The following ESYT2 variants were observed in gnomAD, a reference collection of about 807,000 sequenced individuals.
The protein encoded by ESYT2 is extended synaptotagmin-2.
A neutral mutation model predicts 107.2 loss-of-function variants in ESYT2; 54 were observed. That is an observed-to-expected ratio of 0.50 (90% CI 0.40 to 0.63). The LOEUF (loss-of-function observed/expected upper bound fraction) is 0.63, where lower values mean the gene tolerates loss of function less well. Among genes scored for constraint, ESYT2 ranks in the 30% least tolerant of loss-of-function variants. The pLI is 0.00. For synonymous variants in ESYT2, 491 were observed against 434.1 expected, an observed-to-expected ratio of 1.13 and a Z score of -1.63; for missense variants, 1,020 against 1,094.5, an observed-to-expected ratio of 0.93 and a Z score of 0.96.
chr7:158,797,584 G>C (rs561937433), intron 3 of ESYT2, among the ~76,000 whole-genome samples: 32 of 152,142 alleles, frequency 2.1e-4, no homozygotes, highest in African/African-American at 7.2e-4. Context: ...GGCCAGGCGC[G>C]GTGGCTCACA....
chr7:158,785,065 G>C (rs1839060966), intron 6 of ESYT2, among the ~76,000 whole-genome samples: 2 of 152,144 alleles, frequency 1.3e-5, no homozygotes, highest in African/African-American at 4.8e-5. Flanking sequence ...CACAGCCAAA[G>C]GCAAACACCA....
chr7:158,755,325 A>C (rs1462507510), intron 13 of ESYT2, among the ~76,000 whole-genome samples: 1 of 152,244 alleles, frequency 6.6e-6, no homozygotes, highest in Non-Finnish European at 1.5e-5. Context: ...GGAAAAGTTC[A>C]CATTTGTTTT....
chr7:158,826,435 T>G (rs1563045172), intron 1 of ESYT2, among the ~76,000 whole-genome samples: 1 of 151,940 alleles, frequency 6.6e-6, no homozygotes, highest in Non-Finnish European at 1.5e-5. Flanking sequence ...AAATTCTTCA[T>G]GAGGTGAACA....
At chr7:158,814,290 T>A (rs1160228104) in intron 1 of ESYT2, among the ~76,000 whole-genome samples, 1,775 of 7,732 alleles carry the variant, frequency 0.23, 85 homozygotes, top group Non-Finnish European at 0.29. Flanking sequence ...AAAAAAATTA[T>A]ATATATATAT....
intron 21 of ESYT2, among the ~76,000 whole-genome samples, chr7:158,734,853 A>G (rs1836866511): frequency 6.6e-6 from 1 of 152,156 alleles, no homozygotes; most frequent in South Asian, 2.1e-4. Context: ...ACTTCTTCTC[A>G]TCTCTCTAAT....
chr7:158,781,242 AGT>A (rs1838782806), intron 6 of ESYT2, among the ~76,000 whole-genome samples: 2 of 150,852 alleles, frequency 1.3e-5, no homozygotes, highest in South Asian at 2.1e-4. Context: ...TGTAAGAATG[AGT>A]GAGAACCAGT....
intron 13 of ESYT2, among the ~76,000 whole-genome samples, chr7:158,758,923 T>C (rs929858524): frequency 2.6e-5 from 4 of 152,210 alleles, no homozygotes; most frequent in Admixed American, 1.3e-4. Flanking sequence ...AACAAAAATA[T>C]ATGCTTCTAG....
At chr7:158,793,173 G>T (rs1056669539) in intron 4 of ESYT2, among the ~76,000 whole-genome samples, 1 of 152,130 alleles carries the variant, frequency 6.6e-6, no homozygotes, top group East Asian at 1.9e-4. Context: ...AAAGGGTATT[G>T]AATTTTGTTA....
At chr7:158,782,647 AAG>A (rs1554587070) in intron 6 of ESYT2, among the ~76,000 whole-genome samples, 16 of 49,086 alleles carry the variant, frequency 3.3e-4, no homozygotes, top group East Asian at 2.7e-3. Flanking sequence ...TGTGAGAACA[AAG>A]AAGTATTAAA....
intron 13 of ESYT2, among the ~76,000 whole-genome samples, chr7:158,753,511 C>T (rs1025375029): frequency 6.6e-6 from 1 of 151,988 alleles, no homozygotes; most frequent in African/African-American, 2.4e-5. Context: ...TTTGCAAGCT[C>T]CTTCTAGGAC....
Position 158,739,082 on chromosome 7 carries a change from C to G in ESYT2, c.2208G>C (p.Gln736His). The G allele has an allele frequency of 6.2e-7, 1 of 1,614,134 alleles. No homozygotes were observed. Among genetic ancestry groups the G allele is most frequent in the Non-Finnish European group, 8.5e-7 (1 of 1,179,994 alleles). ...TCTGCGAGCTGTGCCGGATGGTCAG[C>G]TGGATCTGCCCCAGTGGAGACTGTC... ...TLGQSPLGQI[Q>H]LTIRHSSQRN... Residue 736 changes from glutamine to histidine, a missense_variant, in exon 19 of 23, where the codon CAG (glutamine) becomes CAC (histidine). Coordinates refer to ENST00000275418, the MANE Select transcript of ESYT2 (RefSeq NM_001367773.1).
chr7:158,743,501 T>C (rs909188213), intron 17 of ESYT2, 28 bp downstream of exon 17: 1 of 1,589,662 alleles, frequency 6.3e-7, no homozygotes, highest in African/African-American at 1.4e-5. Flanking sequence ...CCATCCCCTA[T>C]GGTGTTCACT....
intron 16 of ESYT2, among the ~76,000 whole-genome samples, chr7:158,746,773 C>T (rs1318914370): frequency 6.6e-6 from 1 of 152,196 alleles, no homozygotes; most frequent in Non-Finnish European, 1.5e-5. Flanking sequence ...TGGCTCACAA[C>T]TGCAATCCCA....
intron 6 of ESYT2, among the ~76,000 whole-genome samples, chr7:158,778,867 G>T (rs575053822): frequency 2.0e-3 from 297 of 149,062 alleles, no homozygotes; most frequent in African/African-American, 7.1e-3. Context: ...TTTTTAACAT[G>T]CTCCCAAGAA....
intron 6 of ESYT2, among the ~76,000 whole-genome samples, chr7:158,775,680 T>G (rs928575780): frequency 6.6e-6 from 1 of 152,224 alleles, no homozygotes; most frequent in African/African-American, 2.4e-5. Flanking sequence ...CCCTTCCACC[T>G]GCACTTCCTT....
chr7:158,811,744 T>G (rs1839998766), intron 1 of ESYT2, among the ~76,000 whole-genome samples: 5 of 152,060 alleles, frequency 3.3e-5, no homozygotes, highest in Admixed American at 3.3e-4. Context: ...GTGGCTGAGA[T>G]TCAAAGAAGC....
intron 20 of ESYT2, among the ~76,000 whole-genome samples, chr7:158,736,630 TAC>T (rs1416848177): frequency 1.3e-5 from 2 of 152,310 alleles, no homozygotes; most frequent in Non-Finnish European, 2.9e-5. Context: ...TTTTTGGAAA[TAC>T]AGTTGTTTTT....
At chr7:158,746,202 G>T (rs996591489) in intron 16 of ESYT2, among the ~76,000 whole-genome samples, 2 of 148,918 alleles carry the variant, frequency 1.3e-5, no homozygotes, top group African/African-American at 5.0e-5. Flanking sequence ...GCAATGTGGT[G>T]AAACCGCATC....
chr7:158,748,198 A>T lies in ESYT2; in HGVS notation c.1640T>A (p.Val547Asp). 6.2e-7 allele frequency: 1 copy of T among 1,613,476 alleles called. No homozygotes were observed. Among genetic ancestry groups the T allele is most frequent in the Non-Finnish European group, 8.5e-7 (1 of 1,179,802 alleles). ...IHNPKRQDLE[V>D]EVRDEQHQCS... ...TAAAAAATGCAAATAAAATACCTCA[A>T]CTTCAAGGTCCTGGCGCTTGGGATT... is the stretch of plus-strand genomic sequence containing the variant. Residue 547 changes from valine (V) to aspartate (D), a missense_variant, in exon 16 of 23, where the codon GTT (valine) becomes GAT (aspartate). Transcript: ENST00000275418.
Sources: gnomAD v4.1 joint callset for allele counts (sites outside exome capture counted in the v4.1 genomes callset) on GRCh38, gnomAD v4.1.1 for gene constraint, MANE v1.5 for transcripts, NCBI Gene and HGNC (gene_info 2026-07-23, HGNC 2026-07-21) for gene names.